DCP1A: variants seen among roughly 807,000 people sequenced by gnomAD.
The protein encoded by DCP1A is mRNA-decapping enzyme 1A.
In DCP1A, 20 loss-of-function variants were observed where a neutral mutation model predicts 58.0. The observed-to-expected ratio is 0.34, with a 90% CI of 0.24 to 0.50. The LOEUF (loss-of-function observed/expected upper bound fraction) is 0.50. Among genes scored for constraint, DCP1A ranks in the 20% least tolerant of loss-of-function variants. The probability of loss-of-function intolerance (pLI) is 0.98; values close to 1 mark genes in which losing one functional copy is unlikely to be tolerated. For missense variants in DCP1A, 613 were observed against 712.2 expected (o/e 0.86, Z 1.59); for synonymous variants, 285 against 275.1 (o/e 1.04, Z -0.36).
chr3:53,292,229 T>G lies in DCP1A; in HGVS notation c.1223A>C (p.Gln408Pro), dbSNP rs1706911550. ...TGCACCTTTCCCAAGTGGTTGTGTCTGTATTTGGTCATGCTGTGGGGTCAA... is the reference window on the plus strand; with the variant it reads ...TGCACCTTTCCCAAGTGGTTGTGTCGGTATTTGGTCATGCTGTGGGGTCAA... ...LRLTPQHDQI[Q>P]TQPLGKGAMV... is the part of the protein sequence containing the mutation. The change falls in exon 7 of 10, where the codon CAG (glutamine) becomes CCG (proline). Residue 408 changes from glutamine (Q) to proline (P), a missense_variant. Physicochemically the swap from Gln to Pro is moderately conservative, Grantham distance 76. Around this residue, in one of 3 missense-constraint regions of DCP1A, gnomAD observed 498 missense variants for 556.7 expected, o/e 0.89. Transcript: ENST00000610213. The G allele has an allele frequency of 6.2e-7, 1 of 1,613,886 alleles. No individual in the cohort carries two copies. Among genetic ancestry groups the G allele is most frequent in the Non-Finnish European group, 8.5e-7 (1 of 1,179,902 alleles).
intron 4 of DCP1A, among the ~76,000 whole-genome samples, chr3:53,313,228 G>C (rs1707701876): frequency 6.6e-6 from 1 of 152,090 alleles, no homozygotes; most frequent in Admixed American, 6.5e-5. Context: ...AACTTAGCCT[G>C]GGCAACTTGG....
intron 3 of DCP1A, chr3:53,338,093 T>C: frequency 2.4e-6 from 1 of 418,186 alleles, no homozygotes; most frequent in Non-Finnish European, 4.9e-6. Context: ...CTTATTACCT[T>C]TGCGAATCTC....
At chr3:53,287,774 A>T in intron 9 of DCP1A, 114 bp from the exon 10 acceptor site, 1 of 749,424 alleles carries the variant, frequency 1.3e-6, no homozygotes, top group South Asian at 1.6e-5. Flanking sequence ...ATAACTGATA[A>T]TCCCACCACC....
intron 4 of DCP1A, among the ~76,000 whole-genome samples, chr3:53,313,807 A>G (rs1707720843): frequency 6.6e-6 from 1 of 152,066 alleles, no homozygotes; most frequent in Non-Finnish European, 1.5e-5. Context: ...GAGTGTGGGG[A>G]AGAGGTGAAC....
intron 6 of DCP1A, among the ~76,000 whole-genome samples, chr3:53,293,738 A>G (rs1057320913): frequency 1.3e-5 from 2 of 152,230 alleles, no homozygotes; most frequent in African/African-American, 4.8e-5. Flanking sequence ...TACACTGCAA[A>G]TTAGTATAAT....
intron 6 of DCP1A, among the ~76,000 whole-genome samples, chr3:53,296,240 C>T (rs2106804936): frequency 6.6e-6 from 1 of 152,276 alleles, no homozygotes; most frequent in East Asian, 1.9e-4. Flanking sequence ...AACAAAAATT[C>T]ATTAAATGCT....
At chr3:53,307,427 T>G (rs556560524) in intron 5 of DCP1A, among the ~76,000 whole-genome samples, 19 of 152,204 alleles carry the variant, frequency 1.2e-4, no homozygotes, top group Non-Finnish European at 2.2e-4. Context: ...ACCCTTTACA[T>G]ACGAACTAGC....
intron 5 of DCP1A, among the ~76,000 whole-genome samples, chr3:53,308,777 T>G (rs782352121): frequency 6.6e-6 from 1 of 151,936 alleles, no homozygotes; most frequent in Non-Finnish European, 1.5e-5. Context: ...AAAAATTTTT[T>G]TTTGGTAGAG....
At chr3:53,294,232 G>A (rs1307003332) in intron 6 of DCP1A, among the ~76,000 whole-genome samples, 1 of 152,202 alleles carries the variant, frequency 6.6e-6, no homozygotes, top group African/African-American at 2.4e-5. Flanking sequence ...CGTGCACTTG[G>A]TCGGCCACAT....
At chr3:53,306,503 G>A (rs1336868472) in intron 5 of DCP1A, among the ~76,000 whole-genome samples, 3 of 152,060 alleles carry the variant, frequency 2.0e-5, no homozygotes, top group Non-Finnish European at 2.9e-5. Flanking sequence ...GATCACTTGA[G>A]ACCAAGAGTT....
At chr3:53,302,863 T>A (rs1179677947) in intron 6 of DCP1A, among the ~76,000 whole-genome samples, 1 of 152,212 alleles carries the variant, frequency 6.6e-6, no homozygotes, top group Non-Finnish European at 1.5e-5. Flanking sequence ...CCTCAGGTGA[T>A]CTGCCTGCCT....
rs1384577700 is a variant in DCP1A at position 53,284,825 on chromosome 3, T to C, written c.*2755A>G. On this transcript the variant is annotated 3_prime_UTR_variant, in exon 10 of 10. Transcript: ENST00000610213. ...AGCCTTTGAAGGTGAGCTGTGGACA[T>C]ACCACATGTGGACAGCATGAAATGC... The C allele has an allele frequency of 1.3e-5, 2 of 152,122 alleles. No individual in the cohort carries two copies. The highest frequency in any genetic ancestry group is 4.8e-5 in the African/African-American group (2 of 41,418). The allele number at this position is 152,122 out of a possible 1,614,324, so 9.4% of individuals were successfully genotyped here.
chr3:53,284,865 A>T lies in DCP1A; in HGVS notation c.*2715T>A, dbSNP rs908742659. On this transcript the variant is annotated 3_prime_UTR_variant, in exon 10 of 10. Transcript: ENST00000610213. ...GCATGAAATGCTTCTTCTGACACTG[A>T]GAGTCACTTGAAAAACTTGAATTCA... The T allele has an allele frequency of 2.0e-5, 3 of 152,260 alleles. No individual in the cohort carries two copies. The highest frequency in any genetic ancestry group is 2.0e-4 in the Admixed American group (3 of 15,294). The allele number at this position is 152,260 out of a possible 1,614,324, so 9.4% of individuals were successfully genotyped here. A position where few individuals can be genotyped will look rare whatever the true frequency, so the allele number is the denominator to read the frequency against.
At position 53,286,637 on chromosome 3, in the gene DCP1A, C is replaced by T. The variant is rs561169736; in HGVS notation, c.*943G>A. On this transcript the variant is annotated 3_prime_UTR_variant, in exon 10 of 10. Coordinates refer to ENST00000610213, the MANE Select transcript of DCP1A (RefSeq NM_018403.7). ...GTGTGAATAACAGCTCCCTTTTCTG[C>T]ATAGCTTTAAAACTATTCTCAGTAC... 2.6e-5 allele frequency: 4 copies of T among 152,348 alleles called. No individual in the cohort carries two copies. Among genetic ancestry groups the T allele is most frequent in the African/African-American group, 9.6e-5 (4 of 41,578 alleles). The allele number at this position is 152,348 out of a possible 1,614,324, so 9.4% of individuals were successfully genotyped here. A position where few individuals can be genotyped will look rare whatever the true frequency, so the allele number is the denominator to read the frequency against.
chr3:53,324,796 G>A (rs1220731253), intron 3 of DCP1A, among the ~76,000 whole-genome samples: 1 of 152,144 alleles, frequency 6.6e-6, no homozygotes, highest in Non-Finnish European at 1.5e-5. Flanking sequence ...TGAGGCAGGA[G>A]GTTCACTTGA....
Position 53,287,366 on chromosome 3 carries a change from TTTTGTC to T in DCP1A, c.*208_*213del. The T allele has an allele frequency of 6.1e-5, 16 of 261,544 alleles. No individual in the cohort carries two copies. The highest frequency in any genetic ancestry group is 1.7e-4 in the South Asian group (1 of 6,006). The allele number at this position is 261,544 out of a possible 1,614,324, so 16.2% of individuals were successfully genotyped here. A position where few individuals can be genotyped will look rare whatever the true frequency, so the allele number is the denominator to read the frequency against. On this transcript the variant is annotated 3_prime_UTR_variant, in exon 10 of 10. Transcript: ENST00000610213. ...TCTTTTTTTTTTTTTTTTTTTTTTTTTTTGTCAAAACAAGGATCTGCTGGTGATGCT... is the reference window on the plus strand; with the variant it reads ...TCTTTTTTTTTTTTTTTTTTTTTTTTAAAACAAGGATCTGCTGGTGATGCT...
chr3:53,332,982 T>A (rs987461122), intron 3 of DCP1A: 1 of 152,178 alleles, frequency 6.6e-6, no homozygotes, highest in African/African-American at 2.4e-5. Context: ...TATGTGGCAA[T>A]TTTTATAAAC....
chr3:53,288,432 C>T (rs540237180), intron 8 of DCP1A, 149 bp from the exon 9 acceptor site: 61 of 620,714 alleles, frequency 9.8e-5, no homozygotes, highest in Middle Eastern at 4.3e-4. Flanking sequence ...TCAGTAGGAA[C>T]ATGTGAACAT....
At chr3:53,313,806 G>A (rs942437718) in intron 4 of DCP1A, among the ~76,000 whole-genome samples, 1 of 151,870 alleles carries the variant, frequency 6.6e-6, no homozygotes, top group Non-Finnish European at 1.5e-5. Flanking sequence ...AGAGTGTGGG[G>A]AAGAGGTGAA....
Sources: allele counts gnomAD v4.1 joint callset (sites outside exome capture counted in the v4.1 genomes callset), GRCh38; gene constraint gnomAD v4.1.1; regional missense constraint gnomAD v4.1.1; transcripts MANE v1.5; gene names NCBI Gene and HGNC (gene_info 2026-07-23, HGNC 2026-07-21).